Variants in MYBPC1 observed in about 807,000 individuals in gnomAD.
MYBPC1 encodes myosin binding protein C1, also known as myosin-binding protein C, slow-type.
MYBPC1 carries 52 observed loss-of-function variants against 147.1 expected under a neutral mutation model. The observed-to-expected ratio is 0.35, with a 90% CI of 0.28 to 0.45. MYBPC1 has a LOEUF of 0.45. MYBPC1 is among the 20% of genes least tolerant of loss of function. MYBPC1 has a pLI of 1.00. For synonymous variants in MYBPC1, 477 were observed against 475.9 expected (o/e 1.00, Z -0.03); for missense variants, 1,228 against 1,440.3 (o/e 0.85, Z 2.39).
intron 10 of MYBPC1, among the ~76,000 whole-genome samples, chr12:101,641,752 T>A (rs1374971905): frequency 1.3e-5 from 2 of 151,896 alleles, no homozygotes; most frequent in Non-Finnish European, 1.5e-5. Flanking sequence ...CCTGCCGATT[T>A]AGAAAAAAAA....
chr12:101,621,318 T>C (rs1174222067), intron 3 of MYBPC1, among the ~76,000 whole-genome samples: 1 of 152,252 alleles, frequency 6.6e-6, no homozygotes, highest in African/African-American at 2.4e-5. Flanking sequence ...ATTGATTTAA[T>C]AGATTTGAGG....
chr12:101,632,628 C>T (rs569158386), intron 8 of MYBPC1, among the ~76,000 whole-genome samples: 2 of 152,262 alleles, frequency 1.3e-5, no homozygotes, highest in Admixed American at 6.5e-5. Context: ...GAAAAAAACT[C>T]GCTTTTACAA....
chr12:101,652,862 T>G, intron 17 of MYBPC1, 78 bp downstream of exon 17: 2 of 1,304,236 alleles, frequency 1.5e-6, no homozygotes, highest in Non-Finnish European at 2.2e-6. Flanking sequence ...TATAATATAT[T>G]CAAAACTAAG....
Position 101,659,977 on chromosome 12 carries a change from T to C in MYBPC1, c.1927+146T>C, listed in dbSNP as rs12367753. On this transcript the variant is annotated intron_variant, in intron 19 of 31. Coordinates refer to ENST00000361466, the MANE Select transcript of MYBPC1 (RefSeq NM_002465.4). ...TTTTTCTTGCCTAGAGGACTTATCA[T>C]TGGAGAAAGAAGAGCTAAGGTCAGC... 277,468 of 1,085,736 alleles carry C rather than the reference T, an allele frequency of 0.26. 37,782 individuals carry two copies. The highest frequency in any genetic ancestry group is 0.32 in the Middle Eastern group (1,438 of 4,528). 67.3% of individuals were successfully genotyped at this position (1,085,736 alleles called of 1,614,324 possible).
At chr12:101,613,195 G>A (rs1884880066) in intron 1 of MYBPC1, among the ~76,000 whole-genome samples, 1 of 152,152 alleles carries the variant, frequency 6.6e-6, no homozygotes, top group Non-Finnish European at 1.5e-5. Context: ...CTGCATTACT[G>A]TTTTCTTGAT....
At chr12:101,689,698 A>G (rs1338781431), downstream of MYBPC1, among the ~76,000 whole-genome samples, 3 of 152,212 alleles carry the variant, frequency 2.0e-5, no homozygotes, top group African/African-American at 4.8e-5. Context: ...AAGCTGAGAC[A>G]TCCCATGATT....
chr12:101,628,352 T>A (rs1889104817), intron 5 of MYBPC1, among the ~76,000 whole-genome samples: 1 of 152,202 alleles, frequency 6.6e-6, no homozygotes, highest in Admixed American at 6.5e-5. Context: ...CTCCTATTAA[T>A]ATCATAAACA....
intron 1 of MYBPC1, among the ~76,000 whole-genome samples, chr12:101,595,522 A>G (rs1876859913): frequency 6.6e-6 from 1 of 152,204 alleles, no homozygotes; most frequent in African/African-American, 2.4e-5. Context: ...CATTGGATCA[A>G]GATTTCAAAA....
In MYBPC1 at chr12:101,629,457, C is replaced by G; in HGVS notation, c.202C>G (p.Pro68Ala). ...DSDWTLVETP[P>A]GEEQAKQNAN... Reference sequence around the variant, plus strand: ...AGACTGGACCCTTGTCGAAACTCCTCCTGGGGAGGAACAAGCCAAGCAGAA... The same window carrying G: ...AGACTGGACCCTTGTCGAAACTCCTGCTGGGGAGGAACAAGCCAAGCAGAA... The change falls in exon 6 of 32, where the codon CCT (proline) becomes GCT (alanine). Residue 68 changes from proline (P) to alanine (A), a missense_variant. Coordinates refer to ENST00000361466, the MANE Select transcript of MYBPC1 (RefSeq NM_002465.4). 9 of 1,613,620 alleles carry G rather than the reference C, an allele frequency of 5.6e-6. No individual in the cohort carries two copies. Among genetic ancestry groups the G allele is most frequent in the Non-Finnish European group, 7.6e-6 (9 of 1,179,630 alleles).
Position 101,678,139 on chromosome 12 carries a change from T to G in MYBPC1, c.3147T>G (p.Asp1049Glu). The change falls in exon 28 of 32, where the codon GAT becomes GAG. Residue 1049 changes from aspartate (D) to glutamate (E), a missense_variant. Physicochemically the swap from Asp to Glu is conservative, Grantham distance 45. Around this residue, in one of 2 missense-constraint regions of MYBPC1, gnomAD observed 1,077 missense variants for 1,314.2 expected, o/e 0.82. Coordinates refer to ENST00000361466, the MANE Select transcript of MYBPC1 (RefSeq NM_002465.4). ...IYKNPVYEDF[D>E]FSEAPMFTQP... ...AAAATCCAGTGTATGAAGACTTTGA[T>G]TTCTCAGAGGCACCCATGTTTACTC... The G allele has an allele frequency of 6.2e-7, 1 of 1,614,062 alleles. No homozygotes were observed. The highest frequency in any genetic ancestry group is 8.5e-7 in the Non-Finnish European group (1 of 1,179,884).
chr12:101,682,743 C>T (rs1417946462), intron 30 of MYBPC1, 81 bp downstream of exon 30: 2 of 1,301,054 alleles, frequency 1.5e-6, no homozygotes, highest in Admixed American at 1.8e-5. Context: ...GCATGTAAAG[C>T]TTGACTTTCT....
rs75836590 is a variant in MYBPC1, at chr12:101,598,356, G to T, written c.25+3261G>T. On this transcript the variant is annotated intron_variant, in intron 1 of 31. Transcript: ENST00000361466. The stretch of plus-strand genomic sequence containing the variant: ...TTTCACTGGAAATTTCTCTTTTCCA[G>T]TCAAAAAGAAATTTTATCAACCTCA... Among the ~76,000 whole-genome samples, 618 of 152,072 alleles carry T rather than the reference G, an allele frequency of 4.1e-3. 1 individual carries two copies. The highest frequency in any genetic ancestry group is 0.014 in the South Asian group (68 of 4,816).
At chr12:101,603,153 T>C (rs930518465) in intron 1 of MYBPC1, among the ~76,000 whole-genome samples, 2 of 151,904 alleles carry the variant, frequency 1.3e-5, no homozygotes, top group African/African-American at 4.8e-5. Flanking sequence ...GAGACCAGCC[T>C]GACCAACATG....
At chr12:101,646,329 A>G (rs1893124639) in intron 12 of MYBPC1, among the ~76,000 whole-genome samples, 1 of 152,110 alleles carries the variant, frequency 6.6e-6, no homozygotes, top group South Asian at 2.1e-4. Flanking sequence ...ACTGTGTAAG[A>G]TATGATACCT....
At chr12:101,662,972 T>G (rs6539004) in intron 21 of MYBPC1, among the ~76,000 whole-genome samples, 1 of 151,940 alleles carries the variant, frequency 6.6e-6, no homozygotes, top group Non-Finnish European at 1.5e-5. Context: ...CTTTGCTTTA[T>G]GGTCACACCT....
At position 101,606,466 on chromosome 12, in the gene MYBPC1, A is replaced by ATTTTTT. The variant is rs34796532; in HGVS notation, c.26-8020_26-8015dup. 6.4e-3 allele frequency among the ~76,000 whole-genome samples: 905 copies of ATTTTTT among 141,284 alleles called. 15 individuals carry two copies. Among genetic ancestry groups the ATTTTTT allele is most frequent in the African/African-American group, 0.023 (865 of 37,906 alleles). The allele number at this position is 141,284 out of a possible 152,430, so 92.7% of individuals were successfully genotyped here. On this transcript the variant is annotated intron_variant, in intron 1 of 31. Coordinates refer to ENST00000361466, the MANE Select transcript of MYBPC1 (RefSeq NM_002465.4). ...AACCACTAATATAAATCAATTTAGTATTTTTTTTTTTTTTTGGTATAGAGA... is the reference window on the plus strand; with the variant it reads ...AACCACTAATATAAATCAATTTAGTATTTTTTTTTTTTTTTTTTTTTGGTATAGAGA...
At chr12:101,693,296 ATATGCCATCTATATC>A in the MYBPC1 span, among the ~76,000 whole-genome samples, 1 of 152,178 alleles carries the variant, frequency 6.6e-6, no homozygotes, top group African/African-American at 2.4e-5. Flanking sequence ...AAATATACAA[ATATGCCATCTATATC>A]TATGTAGATA....
intron 1 of MYBPC1, among the ~76,000 whole-genome samples, chr12:101,596,463 G>C (rs963253996): frequency 2.6e-5 from 4 of 152,186 alleles, no homozygotes; most frequent in Admixed American, 6.5e-5. Flanking sequence ...TCTCCGAAGT[G>C]TACCCAGAAG....
the MYBPC1 span, among the ~76,000 whole-genome samples, chr12:101,692,284 A>T: frequency 1.3e-5 from 2 of 152,280 alleles, no homozygotes; most frequent in Middle Eastern, 3.4e-3. Context: ...TAGTACAATA[A>T]TTTTTTTCAT....
Sources: allele counts gnomAD v4.1 joint callset (sites outside exome capture counted in the v4.1 genomes callset), GRCh38; gene constraint gnomAD v4.1.1; regional missense constraint gnomAD v4.1.1; transcripts MANE v1.5; gene names NCBI Gene and HGNC (gene_info 2026-07-23, HGNC 2026-07-21).